PXDNL: variants seen among roughly 807,000 people sequenced by gnomAD.
The protein encoded by PXDNL is peroxidasin like, also known as probable oxidoreductase PXDNL.
In PXDNL, 145 loss-of-function variants were observed where a neutral mutation model predicts 150.8. The ratio of observed to expected loss-of-function variants is 0.96; its 90% CI spans 0.84 to 1.10. The LOEUF is 1.10. PXDNL is among the 50% of genes least tolerant of loss of function. The probability of loss-of-function intolerance (pLI) is 0.00; values close to 1 mark genes in which losing one functional copy is unlikely to be tolerated. For missense variants in PXDNL, 2,087 were observed against 1,873.9 expected (o/e 1.11, Z -2.10); for synonymous variants, 757 against 725.7 (o/e 1.04, Z -0.69).
chr8:51,759,799 G>A (rs2037142197), intron 1 of PXDNL, among the ~76,000 whole-genome samples: 1 of 152,202 alleles, frequency 6.6e-6, no homozygotes, highest in Non-Finnish European at 1.5e-5. Flanking sequence ...TTAATTTAAC[G>A]TGGGTCTTCA....
At chr8:51,459,798 G>A (rs1218450345) in intron 8 of PXDNL, among the ~76,000 whole-genome samples, 1 of 152,242 alleles carries the variant, frequency 6.6e-6, no homozygotes, top group East Asian at 1.9e-4. Flanking sequence ...CCTTGAAAAT[G>A]TACAAATAAA....
intron 4 of PXDNL, among the ~76,000 whole-genome samples, chr8:51,506,366 C>A (rs1023935132): frequency 6.6e-6 from 1 of 151,798 alleles, no homozygotes; most frequent in African/African-American, 2.4e-5. Flanking sequence ...CATGGTGAAA[C>A]CCCGTCTCTA....
intron 1 of PXDNL, among the ~76,000 whole-genome samples, chr8:51,801,735 A>G (rs1312314485): frequency 6.6e-6 from 1 of 152,176 alleles, no homozygotes; most frequent in East Asian, 1.9e-4. Context: ...CACCTTCATA[A>G]ACACAATCCA....
At chr8:51,615,686 T>A (rs1814115710) in intron 2 of PXDNL, among the ~76,000 whole-genome samples, 1 of 152,220 alleles carries the variant, frequency 6.6e-6, no homozygotes, top group Non-Finnish European at 1.5e-5. Flanking sequence ...TTTCAAGCAT[T>A]CATTATAAGG....
chr8:51,564,032 C>A (rs905403307), intron 3 of PXDNL, among the ~76,000 whole-genome samples: 6 of 151,978 alleles, frequency 3.9e-5, no homozygotes, highest in Admixed American at 3.9e-4. Flanking sequence ...TGTTTGACTA[C>A]ATGAAATGTC....
chr8:51,640,764 C>A (rs7834053), intron 2 of PXDNL, among the ~76,000 whole-genome samples: 126,335 of 151,944 alleles, frequency 0.83, 52,871 homozygotes, highest in African/African-American at 0.92. Flanking sequence ...AATATTGTGA[C>A]AATGGCCATA....
At chr8:51,686,449 C>CT (rs1282795051) in intron 1 of PXDNL, among the ~76,000 whole-genome samples, 1 of 152,190 alleles carries the variant, frequency 6.6e-6, no homozygotes, top group African/African-American at 2.4e-5. Context: ...GCAGTAATTG[C>CT]TAGTGGTTCT....
intron 4 of PXDNL, among the ~76,000 whole-genome samples, chr8:51,530,586 G>A (rs75493634): frequency 0.082 from 12,416 of 152,102 alleles, 832 homozygotes; most frequent in East Asian, 0.23. Flanking sequence ...TGTCTCTGCG[G>A]CTCTCCACTC....
intron 19 of PXDNL, among the ~76,000 whole-genome samples, chr8:51,364,030 A>G (rs776306928): frequency 9.2e-5 from 14 of 152,242 alleles, no homozygotes; most frequent in Non-Finnish European, 1.8e-4. Context: ...ATCCACTTCC[A>G]GTGTAAAACA....
At chr8:51,651,870 C>A (rs1225276538) in intron 2 of PXDNL, among the ~76,000 whole-genome samples, 2 of 152,208 alleles carry the variant, frequency 1.3e-5, no homozygotes, top group African/African-American at 4.8e-5. Context: ...CACCACTTGG[C>A]TGTGCTGCAG....
Position 51,809,441 on chromosome 8 carries a change from G to A in PXDNL, c.-97C>T. ...CGCAGTGGTGGTGATGGTGGCTGCT[G>A]GACTGAGCCAAGTTTGGGAGCCGTG... On this transcript the variant is annotated 5_prime_UTR_variant, in exon 1 of 23. Transcript: ENST00000356297. 7.9e-7 allele frequency: 1 copy of A among 1,262,608 alleles called. No individual in the cohort carries two copies. Among genetic ancestry groups the A allele is most frequent in the Non-Finnish European group, 1.1e-6 (1 of 943,986 alleles). 78.2% of individuals were successfully genotyped at this position (1,262,608 alleles called of 1,614,324 possible). A position where few individuals can be genotyped will look rare whatever the true frequency, so the allele number is the denominator to read the frequency against.
At chr8:51,518,330 C>T (rs1811589336) in intron 4 of PXDNL, among the ~76,000 whole-genome samples, 1 of 152,148 alleles carries the variant, frequency 6.6e-6, no homozygotes, top group Non-Finnish European at 1.5e-5. Flanking sequence ...TCTCAAGGAG[C>T]ACACAATACT....
chr8:51,746,397 T>C (rs577965546), intron 1 of PXDNL, among the ~76,000 whole-genome samples: 1 of 152,154 alleles, frequency 6.6e-6, no homozygotes, highest in Non-Finnish European at 1.5e-5. Flanking sequence ...TAACAGTTGA[T>C]TTTCTCCCCT....
intron 5 of PXDNL, among the ~76,000 whole-genome samples, chr8:51,490,069 T>TA (rs1810854708): frequency 6.6e-6 from 1 of 152,114 alleles, no homozygotes. Flanking sequence ...TTTGATTGTA[T>TA]AAAAAATGTG....
chr8:51,779,911 G>C (rs1408139072), intron 1 of PXDNL, among the ~76,000 whole-genome samples: 2 of 152,146 alleles, frequency 1.3e-5, no homozygotes, highest in African/African-American at 4.8e-5. Flanking sequence ...CAGACAGCTT[G>C]TTAGAAACGC....
At chr8:51,797,079 A>G (rs534744806) in intron 1 of PXDNL, among the ~76,000 whole-genome samples, 1 of 152,208 alleles carries the variant, frequency 6.6e-6, no homozygotes, top group Non-Finnish European at 1.5e-5. Context: ...AAACCACATG[A>G]TTATCTCAAT....
intron 1 of PXDNL, among the ~76,000 whole-genome samples, chr8:51,786,316 C>A (rs2129252551): frequency 6.6e-6 from 1 of 152,186 alleles, no homozygotes; most frequent in Admixed American, 6.5e-5. Context: ...TCCAGCGATT[C>A]TCCTGCCTTA....
In PXDNL at chr8:51,457,789, T is replaced by C. The variant is rs1256350030; in HGVS notation, c.813-122A>G. ...TGTCTACCAAATTTGTTAAATTTAT[T>C]TTATCTGAATAATTTTAATTATTTC... is the stretch of plus-strand genomic sequence containing the variant. On this transcript the variant is annotated intron_variant, in intron 8 of 22. Transcript: ENST00000356297. The C allele has an allele frequency of 1.1e-5, 7 of 613,448 alleles. No homozygotes were observed. In the East Asian group the frequency reaches 2.2e-4, roughly 19 times the overall value. The allele number at this position is 613,448 out of a possible 1,614,324, so 38.0% of individuals were successfully genotyped here. A position where few individuals can be genotyped will look rare whatever the true frequency, so the allele number is the denominator to read the frequency against.
intron 1 of PXDNL, among the ~76,000 whole-genome samples, chr8:51,699,736 T>C (rs1332931331): frequency 6.6e-6 from 1 of 152,180 alleles, no homozygotes; most frequent in Non-Finnish European, 1.5e-5. Context: ...TGAGCACTTA[T>C]GGGCCATTGT....
Sources: allele counts gnomAD v4.1 joint callset (sites outside exome capture counted in the v4.1 genomes callset), GRCh38; gene constraint gnomAD v4.1.1; transcripts MANE v1.5; gene names NCBI Gene and HGNC (gene_info 2026-07-23, HGNC 2026-07-21).